FHIT: variants seen among roughly 807,000 people sequenced by gnomAD.
The protein encoded by FHIT is bis(5'-adenosyl)-triphosphatase.
A neutral mutation model predicts 17.9 loss-of-function variants in FHIT; 19 were observed. The ratio of observed to expected loss-of-function variants is 1.06; its 90% confidence interval spans 0.74 to 1.56. FHIT has a LOEUF of 1.56. FHIT is among the 40% of genes most tolerant of loss of function. The pLI is 0.00. For synonymous variants in FHIT, 81 were observed against 69.7 expected, an observed-to-expected ratio of 1.16 and a Z score of -0.81; for missense variants, 248 against 189.2, an observed-to-expected ratio of 1.31 and a Z score of -1.82.
intron 5 of FHIT, among the ~76,000 whole-genome samples, chr3:60,218,088 AT>A (rs1703780550): frequency 6.6e-6 from 1 of 152,160 alleles, no homozygotes; most frequent in Admixed American, 6.5e-5. Flanking sequence ...TTTTAAAAAA[AT>A]TTTAATTTCT....
intron 8 of FHIT, among the ~76,000 whole-genome samples, chr3:59,782,151 A>C (rs192992004): frequency 1.3e-5 from 2 of 152,154 alleles, no homozygotes; most frequent in Admixed American, 1.3e-4. Flanking sequence ...GAAGTATATG[A>C]AAATCTCTCA....
chr3:60,408,331 T>C (rs575954614), intron 5 of FHIT, among the ~76,000 whole-genome samples: 115 of 152,170 alleles, frequency 7.6e-4, no homozygotes, highest in African/African-American at 2.4e-3. Flanking sequence ...CAAAGTCCCA[T>C]TGTCAGACCC....
At chr3:60,734,329 A>G (rs1019392037) in intron 4 of FHIT, among the ~76,000 whole-genome samples, 15 of 152,214 alleles carry the variant, frequency 9.9e-5, no homozygotes, top group African/African-American at 3.6e-4. Context: ...GAAGGTACAC[A>G]TACAATTTAT....
rs58578875 is a variant in FHIT, at chr3:60,984,785, GGTGTGTGT to G, written c.-111+57254_-111+57261del. Among the ~76,000 whole-genome samples, 1,155 of 149,810 alleles carry G rather than the reference GGTGTGTGT, an allele frequency of 7.7e-3. 4 individuals carry two copies. Among genetic ancestry groups the G allele is most frequent in the Non-Finnish European group, 0.011 (766 of 67,260 alleles). On this transcript the variant is annotated intron_variant, in intron 3 of 9. Transcript: ENST00000492590. ...AATAAAGGGTATAGTTTCATGAAGG[GGTGTGTGT>G]GTGTGTGTGTGTGTGTGTGTGTGCA...
chr3:60,260,233 C>A (rs1308218923), intron 5 of FHIT, among the ~76,000 whole-genome samples: 1 of 151,728 alleles, frequency 6.6e-6, no homozygotes, highest in African/African-American at 2.4e-5. Context: ...GTTCACACTT[C>A]AGGGTGTACC....
At chr3:60,911,217 C>G (rs1433176641) in intron 3 of FHIT, among the ~76,000 whole-genome samples, 1 of 152,140 alleles carries the variant, frequency 6.6e-6, no homozygotes, top group Non-Finnish European at 1.5e-5. Flanking sequence ...CTTTAACTGG[C>G]TATAAAGGAC....
At chr3:59,986,039 T>C (rs1488882450) in intron 7 of FHIT, among the ~76,000 whole-genome samples, 2 of 152,078 alleles carry the variant, frequency 1.3e-5, no homozygotes, top group African/African-American at 2.4e-5. Flanking sequence ...CAAGTATCAC[T>C]TCCTTTGCGG....
At chr3:60,365,434 C>T (rs1413683227) in intron 5 of FHIT, among the ~76,000 whole-genome samples, 2 of 151,964 alleles carry the variant, frequency 1.3e-5, no homozygotes, top group Non-Finnish European at 2.9e-5. Context: ...TCACAATTCA[C>T]GTTTTAAAAT....
intron 5 of FHIT, among the ~76,000 whole-genome samples, chr3:60,202,221 A>C (rs1240731665): frequency 6.6e-6 from 1 of 152,166 alleles, no homozygotes; most frequent in African/African-American, 2.4e-5. Context: ...ACTTTTCTGG[A>C]CCACATTTAC....
chr3:61,144,291 C>T (rs911914888), intron 2 of FHIT, among the ~76,000 whole-genome samples: 3 of 152,198 alleles, frequency 2.0e-5, no homozygotes, highest in African/African-American at 7.2e-5. Context: ...TGGAATCATA[C>T]AGTATGTGTC....
intron 5 of FHIT, among the ~76,000 whole-genome samples, chr3:60,352,399 T>C (rs1051801265): frequency 2.0e-5 from 3 of 152,210 alleles, no homozygotes; most frequent in Non-Finnish European, 4.4e-5. Flanking sequence ...AGGTACTCAC[T>C]ATACCCAGAT....
At chr3:60,374,315 T>C (rs1028289360) in intron 5 of FHIT, among the ~76,000 whole-genome samples, 15 of 152,042 alleles carry the variant, frequency 9.9e-5, no homozygotes, top group African/African-American at 3.1e-4. Flanking sequence ...CAACCTAAAG[T>C]AAGAAGTCTC....
intron 5 of FHIT, among the ~76,000 whole-genome samples, chr3:60,361,443 G>C (rs1466226010): frequency 1.3e-5 from 2 of 152,168 alleles, no homozygotes; most frequent in Non-Finnish European, 2.9e-5. Flanking sequence ...ACCAACTGTA[G>C]AGGAGGTTGA....
intron 4 of FHIT, among the ~76,000 whole-genome samples, chr3:60,641,074 G>T (rs2107791031): frequency 6.6e-6 from 1 of 152,234 alleles, no homozygotes; most frequent in Non-Finnish European, 1.5e-5. Context: ...CAGCTACTTG[G>T]GAGGCTGAGG....
At chr3:59,853,258 T>C (rs1287063856) in intron 8 of FHIT, among the ~76,000 whole-genome samples, 1 of 152,216 alleles carries the variant, frequency 6.6e-6, no homozygotes, top group Non-Finnish European at 1.5e-5. Context: ...ACACTCATTT[T>C]TGAAATATCC....
intron 4 of FHIT, among the ~76,000 whole-genome samples, chr3:60,539,987 A>T (rs2036131275): frequency 2.6e-5 from 4 of 151,114 alleles, no homozygotes; most frequent in Admixed American, 2.6e-4. Flanking sequence ...AATTAAAATA[A>T]AAAAGAAGAA....
intron 7 of FHIT, among the ~76,000 whole-genome samples, chr3:59,974,529 C>G (rs1708326429): frequency 6.6e-6 from 1 of 152,128 alleles, no homozygotes. Context: ...TATTTTCTAC[C>G]TCATCTGTCT....
rs138665780 is a variant in FHIT, at chr3:60,717,494, C to T, written c.-18+104425G>A. On this transcript the variant is annotated intron_variant, in intron 4 of 9. Coordinates refer to ENST00000492590, the MANE Select transcript of FHIT (RefSeq NM_002012.4). ...GGTGAAAATGCATATTCCTGAAACC[C>T]ATCATGGGCCTACTCAAACAGAGTA... Among the ~76,000 whole-genome samples the T allele has an allele frequency of 1.3e-3, 191 of 152,142 alleles. 1 individual carries two copies. Among genetic ancestry groups the T allele is most frequent in the African/African-American group, 4.5e-3 (188 of 41,490 alleles).
intron 5 of FHIT, among the ~76,000 whole-genome samples, chr3:60,095,935 C>A (rs1703928525): frequency 6.6e-6 from 1 of 152,160 alleles, no homozygotes; most frequent in South Asian, 2.1e-4. Flanking sequence ...TGTGTATATT[C>A]TTCCACGTCA....
Sources: gnomAD v4.1 joint callset for allele counts (sites outside exome capture counted in the v4.1 genomes callset) on GRCh38, gnomAD v4.1.1 for gene constraint, MANE v1.5 for transcripts, NCBI Gene and HGNC (gene_info 2026-07-23, HGNC 2026-07-21) for gene names.